The following LSG1 variants were observed in gnomAD, a reference collection of about 807,000 sequenced individuals.
The protein encoded by LSG1 is large 60S subunit nuclear export GTPase 1.
A neutral mutation model predicts 82.6 loss-of-function variants in LSG1; 55 were observed. The observed-to-expected ratio is 0.67, with a 90% CI of 0.54 to 0.83. LSG1 has a LOEUF of 0.83. Ranked by LOEUF, LSG1 falls within the 40% of genes least tolerant of loss-of-function variation. The pLI, the probability that LSG1 is intolerant of heterozygous loss-of-function variation, is 0.00. For synonymous variants in LSG1, 272 were observed against 282.5 expected (o/e 0.96, Z 0.37); for missense variants, 809 against 807.9 (o/e 1.00, Z -0.02).
intron 5 of LSG1, among the ~76,000 whole-genome samples, chr3:194,663,280 G>C (rs1429787913): frequency 6.6e-6 from 1 of 152,192 alleles, no homozygotes; most frequent in Non-Finnish European, 1.5e-5. Context: ...TTCCCCAGGA[G>C]AATGACTGTG....
chr3:194,643,754 A>AT (rs1208691186), intron 13 of LSG1, among the ~76,000 whole-genome samples: 1 of 152,226 alleles, frequency 6.6e-6, no homozygotes, highest in Non-Finnish European at 1.5e-5. Flanking sequence ...ACAAGTGTTC[A>AT]TTACACCATT....
intron 2 of LSG1, among the ~76,000 whole-genome samples, chr3:194,669,802 C>T (rs1208685539): frequency 6.6e-6 from 1 of 152,074 alleles, no homozygotes; most frequent in Non-Finnish European, 1.5e-5. Context: ...CGTGGCAGTG[C>T]GTGCCTGTAG....
intron 2 of LSG1, among the ~76,000 whole-genome samples, chr3:194,668,313 C>G (rs578196459): frequency 2.4e-4 from 36 of 152,256 alleles, no homozygotes; most frequent in African/African-American, 7.7e-4. Context: ...ACTGCTGGAT[C>G]AGATGGTAAT....
chr3:194,650,913 G>T lies in LSG1; in HGVS notation c.1387C>A (p.Gln463Lys). 1.2e-6 allele frequency: 2 copies of T among 1,614,084 alleles called. No homozygotes were observed. Among genetic ancestry groups the T allele is most frequent in the South Asian group, 2.2e-5 (2 of 91,034 alleles). Residue 463 changes from glutamine to lysine, a missense_variant, in exon 10 of 14, where the codon CAG (glutamine) becomes AAG (lysine). By Grantham distance (53) the Gln-to-Lys change is moderately conservative (BLOSUM62 1). Transcript: ENST00000265245. ...MTCSGILPID[Q>K]MRDHVPPVSL... is the part of the protein sequence containing the mutation. The stretch of plus-strand genomic sequence containing the variant: ...ACAGGAGGAACATGATCTCTCATCT[G>T]ATCAATTGGGAGGATTCCGCTGCAA...
intron 2 of LSG1, 149 bp from the exon 3 acceptor site, chr3:194,666,721 T>C: frequency 1.6e-6 from 1 of 641,888 alleles, no homozygotes; most frequent in East Asian, 2.7e-5. Flanking sequence ...GGGTAAATTA[T>C]TATTCCCAAA....
In LSG1 at chr3:194,670,431, T is replaced by A. The variant is rs754175; in HGVS notation, c.100-296A>T. ...TAAAATAACTTGCCTATAGTCAAAA[T>A]CTAAATGGCACAGGTAGAACTTGAA... On this transcript the variant is annotated intron_variant, in intron 1 of 13. Coordinates refer to ENST00000265245, the MANE Select transcript of LSG1 (RefSeq NM_018385.3). Among the ~76,000 whole-genome samples the A allele has an allele frequency of 0.64, 98,075 of 152,080 alleles. 32,388 individuals carry two copies. The highest frequency in any genetic ancestry group is 0.87 in the East Asian group (4,505 of 5,180).
At chr3:194,653,442 G>A (rs1718722893) in intron 7 of LSG1, among the ~76,000 whole-genome samples, 1 of 151,774 alleles carries the variant, frequency 6.6e-6, no homozygotes, top group Admixed American at 6.6e-5. Flanking sequence ...TTGAACCTGA[G>A]AGGCGGAGGG....
rs1383840141 is a variant in LSG1, at chr3:194,648,767, G to C, written c.1457C>G (p.Thr486Ser). The change falls in exon 11 of 14, where the codon ACC becomes AGC. Residue 486 changes from threonine (T) to serine (S), a missense_variant. By Grantham distance (58) the Thr-to-Ser change is moderately conservative (BLOSUM62 1). Coordinates refer to ENST00000265245, the MANE Select transcript of LSG1 (RefSeq NM_018385.3). ...QNIPRHVLEA[T>S]YGINIITPRE... ...AGGCGTTATGATGTTAATGCCATAG[G>C]TAGCTTCTAAAACATGTCTTGGAAT... The C allele has an allele frequency of 6.2e-7, 1 of 1,614,018 alleles. No homozygotes were observed. Among genetic ancestry groups the C allele is most frequent in the Non-Finnish European group, 8.5e-7 (1 of 1,179,966 alleles).
At chr3:194,644,885 C>T (rs1577250322) in intron 12 of LSG1, 139 bp from the exon 13 acceptor site, 2 of 554,624 alleles carry the variant, frequency 3.6e-6, no homozygotes, top group East Asian at 6.3e-5. Flanking sequence ...TGGTCTACTG[C>T]AGCTGAAGAG....
rs35726683 is a variant in LSG1 at position 194,653,515 on chromosome 3, C to CAA, written c.760-375_760-374dup. Among the ~76,000 whole-genome samples the CAA allele has an allele frequency of 1.8e-3, 208 of 113,158 alleles. 4 individuals carry two copies. The East Asian group carries it at 0.025, about 13-fold the overall frequency. The allele number at this position is 113,158 out of a possible 152,430, so 74.2% of individuals were successfully genotyped here. On this transcript the variant is annotated intron_variant, in intron 7 of 13. Transcript: ENST00000265245. ...GGGCAACAGACAAGGCTCTGTCTCA[C>CAA]AAAAAAAAAAAAAAGATGAACAGGG...
chr3:194,669,577 C>T (rs1375896793), intron 2 of LSG1, among the ~76,000 whole-genome samples: 7 of 152,142 alleles, frequency 4.6e-5, no homozygotes, highest in Middle Eastern at 3.2e-3. Context: ...CATCTGGGCT[C>T]GAGTCCTCTG....
intron 7 of LSG1, among the ~76,000 whole-genome samples, chr3:194,658,046 C>T (rs1718841828): frequency 6.6e-6 from 1 of 152,076 alleles, no homozygotes; most frequent in South Asian, 2.1e-4. Context: ...TCAACAGATG[C>T]CTGATAAACA....
intron 7 of LSG1, among the ~76,000 whole-genome samples, chr3:194,657,814 G>A (rs569803522): frequency 9.2e-5 from 14 of 152,136 alleles, no homozygotes; most frequent in East Asian, 1.9e-4. Flanking sequence ...GGCTGACTTC[G>A]TTTCACTGAA....
rs369117663 is a variant in LSG1, at chr3:194,665,643, C to A, written c.435G>T (p.Arg145=). 1 of 1,603,004 alleles carries A rather than the reference C, an allele frequency of 6.2e-7. No individual in the cohort carries two copies. Among genetic ancestry groups the A allele is most frequent in the South Asian group, 1.1e-5 (1 of 89,560 alleles). ...NFLEWRRQLV[R]LEEEQKLILT... Reference sequence around the variant, plus strand: ...ATATCAGCTTCTGTTCCTCTTCTAGCCTAGTTTTTGAATGAGAAGTTTATA... The same window carrying A: ...ATATCAGCTTCTGTTCCTCTTCTAGACTAGTTTTTGAATGAGAAGTTTATA... The change falls in exon 5 of 14, where the codon CGG becomes CGT. Residue 145 remains arginine, a splice_region_variant and synonymous_variant. Coordinates refer to ENST00000265245, the MANE Select transcript of LSG1 (RefSeq NM_018385.3).
At chr3:194,671,753 G>T in intron 1 of LSG1, 1 of 411,580 alleles carries the variant, frequency 2.4e-6, no homozygotes, top group East Asian at 5.2e-5. Context: ...TTCCTGCTCT[G>T]GAAGTTCCAA....
intron 2 of LSG1, among the ~76,000 whole-genome samples, chr3:194,669,702 G>A (rs1719103938): frequency 6.6e-6 from 1 of 152,162 alleles, no homozygotes; most frequent in Non-Finnish European, 1.5e-5. Flanking sequence ...GGGAGGCCAA[G>A]GAAGGCGAAT....
At chr3:194,648,617 C>A in intron 11 of LSG1, 64 bp downstream of exon 11, 1 of 1,509,132 alleles carries the variant, frequency 6.6e-7, no homozygotes, top group South Asian at 1.2e-5. Flanking sequence ...TATTACTATT[C>A]TTATTTCTAT....
At chr3:194,649,092 C>T (rs1718616779) in intron 10 of LSG1, 7 of 279,450 alleles carry the variant, frequency 2.5e-5, no homozygotes, top group Admixed American at 1.7e-4. Flanking sequence ...GAAAAGATTA[C>T]GCATTTGTGA....
chr3:194,665,514 T>C (rs1332151911), intron 5 of LSG1, 43 bp downstream of exon 5: 1 of 1,432,824 alleles, frequency 7.0e-7, no homozygotes, highest in South Asian at 1.2e-5. Flanking sequence ...GAATATAACT[T>C]CACTACAATG....
Sources: gnomAD v4.1 joint callset for allele counts (sites outside exome capture counted in the v4.1 genomes callset) on GRCh38, gnomAD v4.1.1 for gene constraint, MANE v1.5 for transcripts, NCBI Gene and HGNC (gene_info 2026-07-23, HGNC 2026-07-21) for gene names.